Variants in WASHC2C observed in about 807,000 individuals in gnomAD.
WASHC2C encodes Vaccinia Penetration Factor.
A neutral mutation model predicts 142.2 loss-of-function variants in WASHC2C; 73 were observed. That is an observed-to-expected ratio of 0.51 (90% CI 0.43 to 0.62). The LOEUF is 0.62. Among genes scored for constraint, WASHC2C ranks in the 20% least tolerant of loss-of-function variants. WASHC2C has a pLI of 0.00. For missense variants in WASHC2C, 969 were observed against 1,531.7 expected, an observed-to-expected ratio of 0.63 and a Z score of 6.13; for synonymous variants, 337 against 565.5, an observed-to-expected ratio of 0.60 and a Z score of 5.73.
chr10:45,743,024 G>T (rs1208107476), intron 5 of WASHC2C, among the ~76,000 whole-genome samples: 1 of 151,472 alleles, frequency 6.6e-6, no homozygotes, highest in Non-Finnish European at 1.5e-5. Flanking sequence ...ACAGTTACCC[G>T]CCACCATGTC....
chr10:45,786,152 C>G (rs868949500), intron 26 of WASHC2C, among the ~76,000 whole-genome samples: 10 of 152,164 alleles, frequency 6.6e-5, no homozygotes, highest in Admixed American at 6.5e-4. Context: ...CTCACTGAAG[C>G]CTTAGTGTCC....
intron 30 of WASHC2C, 116 bp from the exon 31 acceptor site, chr10:45,792,145 T>C: frequency 8.5e-7 from 1 of 1,171,306 alleles, no homozygotes. Context: ...GGTTAGTGTT[T>C]TAGGGTACTC....
chr10:45,744,119 T>C (rs71496642), intron 6 of WASHC2C, among the ~76,000 whole-genome samples: 6,509 of 149,528 alleles, frequency 0.044, 161 homozygotes, highest in African/African-American at 0.074. Flanking sequence ...AATGCAATGG[T>C]GCGATCTTGG....
chr10:45,743,989 T>C (rs1374913342), intron 6 of WASHC2C, among the ~76,000 whole-genome samples: 3 of 151,672 alleles, frequency 2.0e-5, no homozygotes, highest in Admixed American at 6.6e-5. Context: ...CCTCATGATC[T>C]GCCCGCCTCG....
chr10:45,736,652 C>G (rs79168346), intron 3 of WASHC2C, among the ~76,000 whole-genome samples: 2 of 151,890 alleles, frequency 1.3e-5, no homozygotes, highest in African/African-American at 4.8e-5. Flanking sequence ...AATATATGCA[C>G]GTGTTAGCTT....
chr10:45,731,616 C>T (rs1192010141), intron 3 of WASHC2C, among the ~76,000 whole-genome samples: 6 of 151,428 alleles, frequency 4.0e-5, no homozygotes, highest in East Asian at 1.9e-4. Flanking sequence ...CAGAACTCTT[C>T]TCCGGATGTG....
At chr10:45,783,203 G>A (rs1328566442) in intron 23 of WASHC2C, among the ~76,000 whole-genome samples, 10 of 150,860 alleles carry the variant, frequency 6.6e-5, no homozygotes, top group African/African-American at 2.4e-4. Flanking sequence ...TACAAAAAAT[G>A]TTATATGAAT....
At chr10:45,727,220 T>A (rs1040520747), upstream of WASHC2C, 24 of 1,505,718 alleles carry the variant, frequency 1.6e-5, no homozygotes, top group Non-Finnish European at 2.1e-5. Flanking sequence ...GTGAGGCCGG[T>A]CACGCCCCGG....
rs782256470 is a variant in WASHC2C, at chr10:45,785,564, A to C, written c.2744A>C (p.Asn915Thr). The C allele has an allele frequency of 8.1e-6, 13 of 1,613,840 alleles. No homozygotes were observed. The Admixed American group carries it at 2.2e-4, about 27-fold the overall frequency. The change falls in exon 26 of 31, where the codon AAC (asparagine) becomes ACC (threonine). Residue 915 changes from asparagine (N) to threonine (T), a missense_variant. Coordinates refer to ENST00000623400, the MANE Select transcript of WASHC2C (RefSeq NM_001330074.2). ...KKDHSVNSFKNQKHPESIQGS... is the reference protein window; with the variant it reads ...KKDHSVNSFKTQKHPESIQGS... ...GACCACTCTGTTAACTCTTTCAAAA[A>C]CCAGAAACATCCTGAATCCATTCAA... is the stretch of plus-strand genomic sequence containing the variant.
At position 45,744,901 on chromosome 10, in the gene WASHC2C, G is replaced by C. The variant is rs2052618235; in HGVS notation, c.684+19G>C. On this transcript the variant is annotated intron_variant, in intron 7 of 30. Transcript: ENST00000623400. ...AGAGGAGGTAAGGGCTGTTTGGTAT[G>C]ACCAGGTCACGGTGGGCAGCAAGCT... 2 of 554,468 alleles carry C rather than the reference G, an allele frequency of 3.6e-6. No individual in the cohort carries two copies. The highest frequency in any genetic ancestry group is 6.3e-6 in the Non-Finnish European group (2 of 318,500). The allele number at this position is 554,468 out of a possible 1,614,324, so 34.3% of individuals were successfully genotyped here. A position where few individuals can be genotyped will look rare whatever the true frequency, so the allele number is the denominator to read the frequency against.
intron 29 of WASHC2C, among the ~76,000 whole-genome samples, chr10:45,790,034 T>G (rs1287400106): frequency 6.6e-6 from 1 of 152,138 alleles, no homozygotes; most frequent in African/African-American, 2.4e-5. Flanking sequence ...AACAGGGCAA[T>G]GGATAATTAA....
intron 3 of WASHC2C, among the ~76,000 whole-genome samples, chr10:45,732,797 T>C (rs2050755050): frequency 6.6e-6 from 1 of 152,266 alleles, no homozygotes; most frequent in Admixed American, 6.5e-5. Flanking sequence ...AAGCTGAATT[T>C]TGGTCATTTT....
intron 12 of WASHC2C, 50 bp from the exon 13 acceptor site, chr10:45,753,130 G>A (rs2053811286): frequency 8.8e-7 from 1 of 1,139,196 alleles, no homozygotes; most frequent in Admixed American, 2.5e-5. Context: ...ATGCAGCTAT[G>A]CTTTCTCCTG....
rs1200572048 is a variant in WASHC2C at position 45,771,879 on chromosome 10, A to G, written c.2040-1377A>G. On this transcript the variant is annotated intron_variant, in intron 20 of 30. Coordinates refer to ENST00000623400, the MANE Select transcript of WASHC2C (RefSeq NM_001330074.2). The stretch of plus-strand genomic sequence containing the variant: ...GTTAAACATAGAGTCACCATATGAC[A>G]TAATAGTTTCATTCCTATGTATATA... 9.1e-5 allele frequency: 62 copies of G among 682,760 alleles called. No individual in the cohort carries two copies. In the South Asian group the frequency reaches 3.6e-3, roughly 39 times the overall value. 42.3% of individuals were successfully genotyped at this position (682,760 alleles called of 1,614,324 possible).
chr10:45,763,831 A>G (rs1398007990), intron 18 of WASHC2C, among the ~76,000 whole-genome samples: 2 of 151,658 alleles, frequency 1.3e-5, no homozygotes, highest in African/African-American at 4.9e-5. Context: ...CCTCCCAAGT[A>G]GCTGGGACTA....
At chr10:45,754,909 G>A (rs2054051901) in intron 14 of WASHC2C, 27 bp from the exon 15 acceptor site, 1 of 1,611,772 alleles carries the variant, frequency 6.2e-7, no homozygotes, top group African/African-American at 1.3e-5. Context: ...GCTCACAGCT[G>A]TGGCTGTCTT....
At chr10:45,757,566 T>C (rs1267525010) in intron 16 of WASHC2C, among the ~76,000 whole-genome samples, 2 of 152,152 alleles carry the variant, frequency 1.3e-5, no homozygotes, top group African/African-American at 4.8e-5. Context: ...CTAGTCTGTA[T>C]TAGAATTGCT....
intron 13 of WASHC2C, among the ~76,000 whole-genome samples, 172 bp downstream of exon 13, chr10:45,753,409 G>C (rs2053843520): frequency 6.9e-6 from 1 of 144,560 alleles, no homozygotes; most frequent in Non-Finnish European, 1.5e-5. Flanking sequence ...TCATGTCTTG[G>C]AAAAAACAGT....
At chr10:45,727,348 G>C (rs2133949603) in intron 1 of WASHC2C, 28 bp downstream of exon 1, 1 of 1,596,952 alleles carries the variant, frequency 6.3e-7, no homozygotes, top group East Asian at 2.3e-5. Context: ...GAGAGGGGCC[G>C]GCCTGGGCTG....
Sources: gnomAD v4.1 joint callset for allele counts (sites outside exome capture counted in the v4.1 genomes callset) on GRCh38, gnomAD v4.1.1 for gene constraint, MANE v1.5 for transcripts, NCBI Gene and HGNC (gene_info 2026-07-23, HGNC 2026-07-21) for gene names.